NEK10: variants seen among roughly 807,000 people sequenced by gnomAD.
NEK10 encodes the protein NIMA related kinase 10, also known as serine/threonine-protein kinase Nek10.
In NEK10, 122 loss-of-function variants were observed where a neutral mutation model predicts 159.8. That is an observed-to-expected ratio of 0.76 (90% CI 0.66 to 0.89). NEK10 has a LOEUF of 0.89. Ranked by LOEUF, NEK10 falls within the 40% of genes least tolerant of loss-of-function variation. The pLI, the probability that NEK10 is intolerant of heterozygous loss-of-function variation, is 0.00. For missense variants in NEK10, 1,342 were observed against 1,323.1 expected, an observed-to-expected ratio of 1.01 and a Z score of -0.22; for synonymous variants, 466 against 457.1, an observed-to-expected ratio of 1.02 and a Z score of -0.25.
chr3:27,118,606 C>G (rs1283966031), intron 33 of NEK10, among the ~76,000 whole-genome samples: 3 of 152,182 alleles, frequency 2.0e-5, no homozygotes, highest in Non-Finnish European at 4.4e-5. Context: ...AGTGGGGCAT[C>G]CAGCTGCCCT....
chr3:27,149,301 G>T (rs952540511), intron 30 of NEK10, among the ~76,000 whole-genome samples: 1 of 151,902 alleles, frequency 6.6e-6, no homozygotes, highest in African/African-American at 2.4e-5. Flanking sequence ...ATACTCCAAG[G>T]TATTTACAAG....
Position 27,202,607 on chromosome 3 carries a change from T to C in NEK10, c.2091-50A>G. 1.4e-6 allele frequency: 2 copies of C among 1,422,804 alleles called. 1 individual carries two copies. Among genetic ancestry groups the C allele is most frequent in the South Asian group, 3.4e-5 (2 of 58,410 alleles). 88.1% of individuals were successfully genotyped at this position (1,422,804 alleles called of 1,614,324 possible). On this transcript the variant is annotated intron_variant, in intron 23 of 35. Transcript: ENST00000691995. ...ACATGCTAAGGAAGGGAGAATCCGCTCAGAAAGATCCAATTTTCAAGCTTT... is the reference window on the plus strand; with the variant it reads ...ACATGCTAAGGAAGGGAGAATCCGCCCAGAAAGATCCAATTTTCAAGCTTT...
chr3:27,125,523 A>G (rs1202974155), intron 32 of NEK10, among the ~76,000 whole-genome samples: 2 of 152,178 alleles, frequency 1.3e-5, no homozygotes, highest in Non-Finnish European at 2.9e-5. Context: ...CTACACTATT[A>G]TAAGATACAA....
At chr3:27,314,187 C>A in intron 7 of NEK10, 110 bp downstream of exon 7, 3 of 745,938 alleles carry the variant, frequency 4.0e-6, no homozygotes, top group South Asian at 1.5e-5. Context: ...CTCTCTGGGG[C>A]AGACAGCATA....
intron 23 of NEK10, among the ~76,000 whole-genome samples, chr3:27,208,620 C>T (rs1211459509): frequency 6.6e-6 from 1 of 152,132 alleles, no homozygotes; most frequent in Non-Finnish European, 1.5e-5. Flanking sequence ...GAAAGATGAT[C>T]CCCTCCTTCT....
intron 32 of NEK10, among the ~76,000 whole-genome samples, chr3:27,123,702 A>G (rs1453384352): frequency 6.6e-6 from 1 of 152,138 alleles, no homozygotes; most frequent in Non-Finnish European, 1.5e-5. Flanking sequence ...CAGGTTTGTG[A>G]CTTTAGGAGG....
At chr3:27,256,239 T>C (rs551162361) in intron 23 of NEK10, 57 bp downstream of exon 23, 2 of 766,360 alleles carry the variant, frequency 2.6e-6, no homozygotes, top group Middle Eastern at 2.5e-4. Flanking sequence ...ATAATATAAA[T>C]GAAAGCCTAA....
At chr3:27,189,222 T>A (rs1168153094) in intron 26 of NEK10, among the ~76,000 whole-genome samples, 1 of 152,136 alleles carries the variant, frequency 6.6e-6, no homozygotes, top group Non-Finnish European at 1.5e-5. Flanking sequence ...TGAAGACTTC[T>A]CTGTTCTTCT....
intron 19 of NEK10, 113 bp downstream of exon 19, chr3:27,290,504 T>C: frequency 1.3e-6 from 1 of 749,692 alleles, no homozygotes; most frequent in Admixed American, 3.4e-5. Context: ...CAGTGTCAAT[T>C]ATTTCACATG....
intron 22 of NEK10, among the ~76,000 whole-genome samples, chr3:27,276,684 G>A (rs1242632488): frequency 6.6e-6 from 1 of 152,102 alleles, no homozygotes; most frequent in Non-Finnish European, 1.5e-5. Flanking sequence ...CACAAACTCA[G>A]CCTCTTTCTC....
At chr3:27,302,041 T>C (rs2043866300) in intron 12 of NEK10, among the ~76,000 whole-genome samples, 2 of 152,194 alleles carry the variant, frequency 1.3e-5, no homozygotes, top group Admixed American at 1.3e-4. Context: ...TCACTATTTA[T>C]TGAAAAGTGT....
chr3:27,164,490 T>A (rs569033167), intron 29 of NEK10, among the ~76,000 whole-genome samples: 59 of 152,354 alleles, frequency 3.9e-4, no homozygotes, highest in African/African-American at 1.4e-3. Flanking sequence ...ATAATTCTAT[T>A]TTATTTAATC....
rs1037795555 is a variant in NEK10 at position 27,109,313 on chromosome 3, A to G, written c.*1959T>C. Among the ~76,000 whole-genome samples, 1 of 143,116 alleles carries G rather than the reference A, an allele frequency of 7.0e-6. No individual in the cohort carries two copies. The highest frequency in any genetic ancestry group is 2.3e-4 in the East Asian group (1 of 4,382). The allele number at this position is 143,116 out of a possible 152,430, so 93.9% of individuals were successfully genotyped here. On this transcript the variant is annotated 3_prime_UTR_variant, in exon 36 of 36. Transcript: ENST00000691995. ...AGAATTGCTTGAACCTGGGTGGCGG[A>G]GGTTGCAGTAAGTTAAGATCTCGCC...
intron 29 of NEK10, among the ~76,000 whole-genome samples, chr3:27,169,977 G>GCC (rs1183501864): frequency 6.6e-6 from 1 of 152,174 alleles, no homozygotes; most frequent in Non-Finnish European, 1.5e-5. Context: ...GAGTTCCTGT[G>GCC]CCCTTATAAG....
At chr3:27,177,017 C>A (rs1023100282) in intron 26 of NEK10, among the ~76,000 whole-genome samples, 1 of 152,086 alleles carries the variant, frequency 6.6e-6, no homozygotes, top group African/African-American at 2.4e-5. Flanking sequence ...AAGCTGGAGT[C>A]CCCGCTGAAA....
At chr3:27,320,254 A>G (rs2045524073) in intron 6 of NEK10, among the ~76,000 whole-genome samples, 1 of 152,182 alleles carries the variant, frequency 6.6e-6, no homozygotes, top group Admixed American at 6.5e-5. Context: ...ACCCTGTTCA[A>G]TCCACCCAGA....
At chr3:27,307,198 G>C (rs908168189) in intron 11 of NEK10, among the ~76,000 whole-genome samples, 6 of 152,198 alleles carry the variant, frequency 3.9e-5, no homozygotes, top group Admixed American at 3.9e-4. Flanking sequence ...TCTTTTATGA[G>C]AGTTTTGAAG....
At chr3:27,329,348 C>T (rs919448651) in intron 5 of NEK10, among the ~76,000 whole-genome samples, 11 of 152,098 alleles carry the variant, frequency 7.2e-5, no homozygotes, top group African/African-American at 2.2e-4. Flanking sequence ...AGAGAGTGTA[C>T]TTAGAAGGCC....
At chr3:27,161,728 T>C (rs1242202844) in intron 30 of NEK10, among the ~76,000 whole-genome samples, 11 of 152,212 alleles carry the variant, frequency 7.2e-5, no homozygotes. Context: ...TAAGGATCTA[T>C]AATTTTTCAA....
Sources: gnomAD v4.1 joint callset for allele counts (sites outside exome capture counted in the v4.1 genomes callset) on GRCh38, gnomAD v4.1.1 for gene constraint, MANE v1.5 for transcripts, NCBI Gene and HGNC (gene_info 2026-07-23, HGNC 2026-07-21) for gene names.